Variants in CDH1 observed in about 807,000 individuals in gnomAD.
CDH1 encodes the protein cadherin 1, also known as cadherin-1.
CDH1 carries 35 observed loss-of-function variants against 84.5 expected under a neutral mutation model. The ratio of observed to expected loss-of-function variants is 0.41; its 90% CI spans 0.32 to 0.55. The LOEUF (loss-of-function observed/expected upper bound fraction) is 0.55, where lower values mean the gene tolerates loss of function less well. Ranked by LOEUF, CDH1 falls within the 20% of genes least tolerant of loss-of-function variation. The pLI, the probability that CDH1 is intolerant of heterozygous loss-of-function variation, is 0.19. For missense variants in CDH1, 994 were observed against 1,126.6 expected, an observed-to-expected ratio of 0.88 and a Z score of 1.68; for synonymous variants, 417 against 439.0, an observed-to-expected ratio of 0.95 and a Z score of 0.63.
chr16:68,748,190 G>A (rs901658627), intron 2 of CDH1, among the ~76,000 whole-genome samples: 3 of 141,742 alleles, frequency 2.1e-5, no homozygotes, highest in Admixed American at 7.4e-5. Flanking sequence ...TCGGCTCACC[G>A]CAACCTCCGC....
intron 14 of CDH1, 135 bp from the exon 15 acceptor site, chr16:68,829,519 G>T: frequency 2.2e-6 from 2 of 899,252 alleles, no homozygotes; most frequent in South Asian, 2.9e-5. Context: ...CTGTCATTTT[G>T]CATTAAACTG....
At chr16:68,765,573 G>A (rs1959351842) in intron 2 of CDH1, 1 of 152,112 alleles carries the variant, frequency 6.6e-6, no homozygotes, top group African/African-American at 2.4e-5. Flanking sequence ...AGGTATGTAA[G>A]GCATTTTAGT....
rs1555509828 is a variant in CDH1, at chr16:68,738,936, CTTTTTTT to C, written c.163+547_163+553del. Among the ~76,000 whole-genome samples, 58 of 11,440 alleles carry C rather than the reference CTTTTTTT, an allele frequency of 5.1e-3. 5 individuals carry two copies. In the East Asian group the frequency reaches 0.066, roughly 13 times the overall value. 7.5% of individuals were successfully genotyped at this position (11,440 alleles called of 152,430 possible). On this transcript the variant is annotated intron_variant, in intron 2 of 15. Transcript: ENST00000261769. The stretch of plus-strand genomic sequence containing the variant: ...TGGCTTTTGTTTACAGATATAAAAG[CTTTTTTT>C]TTTTTTTTTTTTTTTTTTTTTAAAG...
At chr16:68,815,855 A>C (rs2152135266) in intron 10 of CDH1, 96 bp downstream of exon 10, 2 of 1,412,592 alleles carry the variant, frequency 1.4e-6, no homozygotes, top group South Asian at 2.4e-5. Flanking sequence ...GCATTTTGTC[A>C]TTTGTCTGTA....
At chr16:68,811,617 T>A (rs2152131791) in intron 6 of CDH1, 67 bp from the exon 7 acceptor site, 3 of 1,388,816 alleles carry the variant, frequency 2.2e-6, no homozygotes, top group Non-Finnish European at 3.1e-6. Context: ...CAGAATTGGA[T>A]TAAGCAGTAT....
intron 2 of CDH1, among the ~76,000 whole-genome samples, chr16:68,745,239 T>C (rs1219995921): frequency 6.6e-6 from 1 of 151,396 alleles, no homozygotes; most frequent in African/African-American, 2.4e-5. Context: ...CCCAGTGCTT[T>C]GGGAGGCCAA....
intron 14 of CDH1, 56 bp from the exon 15 acceptor site, chr16:68,829,598 G>A: frequency 6.5e-7 from 1 of 1,539,920 alleles, no homozygotes; most frequent in Non-Finnish European, 9.0e-7. Context: ...ATAGCCCTGT[G>A]TGTATGACTA....
At chr16:68,741,278 C>T (rs950487819) in intron 2 of CDH1, among the ~76,000 whole-genome samples, 3 of 152,076 alleles carry the variant, frequency 2.0e-5, no homozygotes, top group South Asian at 2.1e-4. Context: ...AATGTGGAGT[C>T]GCCCCAGGAT....
In CDH1 at chr16:68,737,357, A is replaced by AGCCCG. The variant is rs1064793834; in HGVS notation, c.-53_-49dup. 5.5e-6 allele frequency: 8 copies of AGCCCG among 1,450,552 alleles called. No individual in the cohort carries two copies. Among genetic ancestry groups the AGCCCG allele is most frequent in the East Asian group, 2.5e-5 (1 of 39,866 alleles). The allele number at this position is 1,450,552 out of a possible 1,614,324, so 89.9% of individuals were successfully genotyped here. A position where few individuals can be genotyped will look rare whatever the true frequency, so the allele number is the denominator to read the frequency against. ...GTCAGTTCAGACTCCAGCCCGCTCCAGCCCGGCCCGACCCGACCGCACCCG... is the reference window on the plus strand; with the variant it reads ...GTCAGTTCAGACTCCAGCCCGCTCCAGCCCGGCCCGGCCCGACCCGACCGCACCCG... On this transcript the variant is annotated 5_prime_UTR_variant, in exon 1 of 16. Transcript: ENST00000261769.
chr16:68,763,708 C>T lies in CDH1; in HGVS notation c.163+25297C>T, dbSNP rs146658361. Among the ~76,000 whole-genome samples, 80 of 152,350 alleles carry T rather than the reference C, an allele frequency of 5.3e-4. 1 individual carries two copies. Among genetic ancestry groups the T allele is most frequent in the African/African-American group, 1.8e-3 (74 of 41,584 alleles). On this transcript the variant is annotated intron_variant, in intron 2 of 15. Transcript: ENST00000261769. Reference sequence around the variant, plus strand: ...TTTGAAATGCTGATTAGTTCATTAGCAGTTGTTTATAGGCCTTTGCCTGTC... The same window carrying T: ...TTTGAAATGCTGATTAGTTCATTAGTAGTTGTTTATAGGCCTTTGCCTGTC...
chr16:68,805,108 T>C (rs1224722152), intron 3 of CDH1, among the ~76,000 whole-genome samples: 1 of 151,778 alleles, frequency 6.6e-6, no homozygotes, highest in East Asian at 1.9e-4. Flanking sequence ...TTTCATCTTA[T>C]TTGGGTGAGT....
intron 2 of CDH1, among the ~76,000 whole-genome samples, chr16:68,753,626 C>T (rs12925290): frequency 0.49 from 74,890 of 151,724 alleles, 19,665 homozygotes; most frequent in Non-Finnish European, 0.59. Flanking sequence ...CGTGAGCCAC[C>T]GCGCCCGGCA....
intron 15 of CDH1, 23 bp from the exon 16 acceptor site, chr16:68,833,267 T>C (rs1431228771): frequency 6.2e-7 from 1 of 1,606,362 alleles, no homozygotes; most frequent in Non-Finnish European, 8.5e-7. Flanking sequence ...CACTAAAAGA[T>C]GCTTTTGTCC....
chr16:68,828,992 G>A (rs1033285552), intron 14 of CDH1, among the ~76,000 whole-genome samples: 4 of 152,132 alleles, frequency 2.6e-5, no homozygotes, highest in African/African-American at 9.7e-5. Context: ...AGTCTAGTTT[G>A]GGGATACCAC....
Position 68,738,936 on chromosome 16 carries a change from C to CTTTT in CDH1, c.163+550_163+553dup, listed in dbSNP as rs1555509828. Among the ~76,000 whole-genome samples the CTTTT allele has an allele frequency of 3.3e-3, 38 of 11,440 alleles. 11 individuals carry two copies. The highest frequency in any genetic ancestry group is 8.6e-3 in the African/African-American group (37 of 4,306). The allele number at this position is 11,440 out of a possible 152,430, so 7.5% of individuals were successfully genotyped here. On this transcript the variant is annotated intron_variant, in intron 2 of 15. Transcript: ENST00000261769. The stretch of plus-strand genomic sequence containing the variant: ...TGGCTTTTGTTTACAGATATAAAAG[C>CTTTT]TTTTTTTTTTTTTTTTTTTTTTTTT...
chr16:68,738,955 T>TC (rs1567471835), intron 2 of CDH1, among the ~76,000 whole-genome samples: 1 of 98,720 alleles, frequency 1.0e-5, no homozygotes, highest in African/African-American at 3.8e-5. Flanking sequence ...TTTTTTTTTT[T>TC]TTTTTTTTTA....
intron 13 of CDH1, chr16:68,826,542 T>A (rs1961327654): frequency 6.6e-6 from 1 of 151,966 alleles, no homozygotes; most frequent in Middle Eastern, 3.4e-3. Flanking sequence ...GTGGCAGGAT[T>A]GCTTGAACCT....
intron 2 of CDH1, among the ~76,000 whole-genome samples, chr16:68,783,264 G>C (rs1430704566): frequency 6.6e-6 from 1 of 151,746 alleles, no homozygotes; most frequent in Non-Finnish European, 1.5e-5. Flanking sequence ...AGGCATGGTG[G>C]CACATGCCTG....
intron 8 of CDH1, among the ~76,000 whole-genome samples, chr16:68,812,859 G>A (rs769030862): frequency 1.3e-5 from 2 of 152,140 alleles, no homozygotes; most frequent in Non-Finnish European, 2.9e-5. Flanking sequence ...GGCCAACGTG[G>A]CGAAACTCCA....
Sources: gnomAD v4.1 joint callset for allele counts (sites outside exome capture counted in the v4.1 genomes callset) on GRCh38, gnomAD v4.1.1 for gene constraint, MANE v1.5 for transcripts, NCBI Gene and HGNC (gene_info 2026-07-23, HGNC 2026-07-21) for gene names.